Variants in ABL2 observed in about 807,000 individuals in gnomAD.
The protein encoded by ABL2 is ABL proto-oncogene 2, non-receptor tyrosine kinase, also known as tyrosine-protein kinase ABL2.
In ABL2, 49 loss-of-function variants were observed where a neutral mutation model predicts 107.7. That is an observed-to-expected ratio of 0.45 (90% CI 0.36 to 0.58). The LOEUF (loss-of-function observed/expected upper bound fraction) is 0.58. Among genes scored for constraint, ABL2 ranks in the 20% least tolerant of loss-of-function variants. ABL2 has a pLI of 0.00. For missense variants in ABL2, 1,245 were observed against 1,457.0 expected, an observed-to-expected ratio of 0.85 and a Z score of 2.37; for synonymous variants, 549 against 548.6, an observed-to-expected ratio of 1.00 and a Z score of -0.01.
chr1:179,101,885 AC>A lies in ABL2; in HGVS notation c.*5832del, dbSNP rs1653118503. On this transcript the variant is annotated 3_prime_UTR_variant, in exon 12 of 12. Transcript: ENST00000502732. ...CAGTAAGAGAGGAGCGTAGGGAATG[AC>A]AGTGAAGTTCAAGTGAACTACAGTT... The A allele has an allele frequency of 5.4e-6, 1 of 186,644 alleles. No homozygotes were observed. The highest frequency in any genetic ancestry group is 1.1e-5 in the Non-Finnish European group (1 of 88,510). 11.6% of individuals were successfully genotyped at this position (186,644 alleles called of 1,614,324 possible).
At chr1:179,210,647 C>T (rs1037223407) in intron 1 of ABL2, among the ~76,000 whole-genome samples, 6 of 150,648 alleles carry the variant, frequency 4.0e-5, no homozygotes, top group Admixed American at 1.3e-4. Context: ...GGTCAGAGAT[C>T]GAGACCATCC....
At chr1:179,166,462 T>C (rs1659389425) in intron 1 of ABL2, among the ~76,000 whole-genome samples, 1 of 150,894 alleles carries the variant, frequency 6.6e-6, no homozygotes, top group Non-Finnish European at 1.5e-5. Flanking sequence ...TAGACATTTC[T>C]CAAATAGCTA....
At position 179,120,284 on chromosome 1, in the gene ABL2, G is replaced by C. The variant is rs2102623673; in HGVS notation, c.961-10C>G. ...CCTCCATGGTATCTTCCTAGAAAAA[G>C]GGAAAGGTAAGAAAGAAGAAAACGA... On this transcript the variant is annotated splice_polypyrimidine_tract_variant and intron_variant, in intron 5 of 11. Coordinates refer to ENST00000502732, the MANE Select transcript of ABL2 (RefSeq NM_007314.4). 1 of 1,583,860 alleles carries C rather than the reference G, an allele frequency of 6.3e-7. No homozygotes were observed. Among genetic ancestry groups the C allele is most frequent in the Non-Finnish European group, 8.6e-7 (1 of 1,158,900 alleles).
intron 1 of ABL2, among the ~76,000 whole-genome samples, chr1:179,167,517 C>A (rs909512857): frequency 2.0e-5 from 3 of 152,080 alleles, no homozygotes; most frequent in Admixed American, 1.3e-4. Flanking sequence ...AGTGGAGTGA[C>A]TATAGTTAGA....
At chr1:179,151,828 A>G (rs1480657703) in intron 1 of ABL2, among the ~76,000 whole-genome samples, 1 of 152,212 alleles carries the variant, frequency 6.6e-6, no homozygotes, top group Non-Finnish European at 1.5e-5. Flanking sequence ...TTGGAGGATC[A>G]CAAACCATTG....
chr1:179,110,242 G>T (rs781014383), intron 11 of ABL2, 40 bp downstream of exon 11: 1 of 1,610,410 alleles, frequency 6.2e-7, no homozygotes, highest in Admixed American at 1.7e-5. Flanking sequence ...TTTAAACAAG[G>T]CAGTTTCTAT....
intron 3 of ABL2, among the ~76,000 whole-genome samples, chr1:179,127,607 T>A (rs1655855360): frequency 6.6e-6 from 1 of 152,198 alleles, no homozygotes; most frequent in African/African-American, 2.4e-5. Flanking sequence ...TCACTAGTGA[T>A]AAATAAATGC....
chr1:179,149,887 C>G (rs899224075), intron 1 of ABL2, among the ~76,000 whole-genome samples: 2 of 152,166 alleles, frequency 1.3e-5, no homozygotes, highest in African/African-American at 4.8e-5. Context: ...AACACAACAT[C>G]CATTCTGCAG....
In ABL2 at chr1:179,211,951, T is replaced by C. The variant is rs535406567; in HGVS notation, c.157+17290A>G. On this transcript the variant is annotated intron_variant, in intron 1 of 11. Transcript: ENST00000502732. The stretch of plus-strand genomic sequence containing the variant: ...AGGAAAATACTCTCTCCTTATGTAT[T>C]TGTCCATTCTCACGCTACTGTGAAG... 1.4e-4 allele frequency among the ~76,000 whole-genome samples: 21 copies of C among 152,298 alleles called. No individual in the cohort carries two copies. In the East Asian group the frequency reaches 4.0e-3, roughly 29 times the overall value.
chr1:179,127,157 CAACAAAACCACTGATGTAAAAA>C (rs956633689), intron 3 of ABL2, among the ~76,000 whole-genome samples: 23 of 151,890 alleles, frequency 1.5e-4, no homozygotes, highest in Non-Finnish European at 3.1e-4. Flanking sequence ...GGCACCAAGG[CAACAAAACCACTGATGTAAAAA>C]AACAAAAACA....
chr1:179,200,064 T>A (rs1219415958), intron 1 of ABL2, among the ~76,000 whole-genome samples: 2 of 79,470 alleles, frequency 2.5e-5, no homozygotes, highest in Admixed American at 1.6e-4. Context: ...TTTTTTTTTT[T>A]AAGACGGAGT....
At chr1:179,156,566 C>T (rs1349758064) in intron 1 of ABL2, among the ~76,000 whole-genome samples, 1 of 152,126 alleles carries the variant, frequency 6.6e-6, no homozygotes. Flanking sequence ...TTTTTCATTA[C>T]ATACCTTAGT....
In ABL2 at chr1:179,102,769, GAAGTGGC is replaced by G; in HGVS notation, c.*4942_*4948del. ...CATAATGAAATGTAGCTATAATTCA[GAAGTGGC>G]CACCAAGGCAATTTACTTTTGAGTA... On this transcript the variant is annotated 3_prime_UTR_variant, in exon 12 of 12. Transcript: ENST00000502732. 4.4e-6 allele frequency: 1 copy of G among 229,642 alleles called. No individual in the cohort carries two copies. The highest frequency in any genetic ancestry group is 8.6e-6 in the Non-Finnish European group (1 of 115,956). 14.2% of individuals were successfully genotyped at this position (229,642 alleles called of 1,614,324 possible).
At chr1:179,177,960 C>T (rs1227782297) in intron 1 of ABL2, among the ~76,000 whole-genome samples, 2 of 152,138 alleles carry the variant, frequency 1.3e-5, no homozygotes, top group Admixed American at 6.5e-5. Flanking sequence ...AAACATTCTG[C>T]TATGTATTTA....
At chr1:179,205,427 C>T (rs1431286320) in intron 1 of ABL2, among the ~76,000 whole-genome samples, 2 of 152,202 alleles carry the variant, frequency 1.3e-5, no homozygotes, top group Non-Finnish European at 2.9e-5. Flanking sequence ...ACATGACTTG[C>T]TTTGGCCAGT....
chr1:179,135,596 A>G (rs1190104481), intron 1 of ABL2, among the ~76,000 whole-genome samples: 4 of 150,508 alleles, frequency 2.7e-5, no homozygotes, highest in African/African-American at 9.8e-5. Flanking sequence ...TCCGGGAGGG[A>G]GGTGGGGGGG....
intron 1 of ABL2, among the ~76,000 whole-genome samples, chr1:179,227,330 T>G (rs1464542881): frequency 6.6e-6 from 1 of 152,208 alleles, no homozygotes; most frequent in Middle Eastern, 3.2e-3. Context: ...CTCTATGATC[T>G]TTTTCTTCCA....
At chr1:179,110,915 A>G (rs1452500187) in intron 10 of ABL2, 9 of 1,591,786 alleles carry the variant, frequency 5.7e-6, no homozygotes, top group Non-Finnish European at 6.9e-6. Context: ...AAATAGCGAT[A>G]CTATTTTGCA....
At chr1:179,165,799 A>T (rs1009278853) in intron 1 of ABL2, among the ~76,000 whole-genome samples, 3 of 146,532 alleles carry the variant, frequency 2.0e-5, no homozygotes, top group East Asian at 2.0e-4. Context: ...ACAAGACTTT[A>T]TTTTTTTTTT....
Sources: gnomAD v4.1 joint callset for allele counts (sites outside exome capture counted in the v4.1 genomes callset) on GRCh38, gnomAD v4.1.1 for gene constraint, MANE v1.5 for transcripts, NCBI Gene and HGNC (gene_info 2026-07-23, HGNC 2026-07-21) for gene names.